The following CLASP2 variants were observed in gnomAD, a reference collection of about 807,000 sequenced individuals.
CLASP2 encodes cytoplasmic linker associated protein 2.
CLASP2 carries 47 observed loss-of-function variants against 194.4 expected under a neutral mutation model. That is an observed-to-expected ratio of 0.24 (90% CI 0.19 to 0.31). CLASP2 has a LOEUF of 0.31. Among genes scored for constraint, CLASP2 ranks in the 10% least tolerant of loss-of-function variants. The pLI, the probability that CLASP2 is intolerant of heterozygous loss-of-function variation, is 1.00. For synonymous variants in CLASP2, 619 were observed against 633.5 expected (o/e 0.98, Z 0.34); for missense variants, 1,445 against 1,823.6 (o/e 0.79, Z 3.78).
chr3:33,576,870 A>G (rs2154199766), intron 23 of CLASP2, among the ~76,000 whole-genome samples: 1 of 151,774 alleles, frequency 6.6e-6, no homozygotes, highest in South Asian at 2.1e-4. Context: ...CTATACCATC[A>G]TTTACAATTA....
At chr3:33,659,134 C>T (rs1372324593) in intron 7 of CLASP2, 16 of 1,416,304 alleles carry the variant, frequency 1.1e-5, no homozygotes, top group Non-Finnish European at 1.5e-5. Flanking sequence ...CAGCTCTGCA[C>T]CGCAATAGCC....
At chr3:33,574,346 A>G (rs2064379370) in intron 24 of CLASP2, 1 of 598,316 alleles carries the variant, frequency 1.7e-6, no homozygotes, top group African/African-American at 1.9e-5. Flanking sequence ...ATTTACAGAA[A>G]AATAGATGTA....
At chr3:33,528,828 AAG>A (rs1303436029) in intron 34 of CLASP2, among the ~76,000 whole-genome samples, 1 of 152,098 alleles carries the variant, frequency 6.6e-6, no homozygotes, top group East Asian at 1.9e-4. Flanking sequence ...GAGAGAAAGA[AAG>A]AGAGGTCGAT....
intron 6 of CLASP2, 37 bp downstream of exon 6, chr3:33,684,322 G>GAAAA: frequency 1.0e-6 from 1 of 967,274 alleles, no homozygotes; most frequent in Non-Finnish European, 1.5e-6. Flanking sequence ...AACTAGTGGT[G>GAAAA]AAAAAAAAAA....
intron 6 of CLASP2, among the ~76,000 whole-genome samples, chr3:33,668,500 T>C (rs2086591355): frequency 6.6e-6 from 1 of 152,206 alleles, no homozygotes; most frequent in Non-Finnish European, 1.5e-5. Flanking sequence ...GTATAAACTC[T>C]TGAGAATATA....
At chr3:33,586,546 A>G (rs1375120200) in intron 21 of CLASP2, among the ~76,000 whole-genome samples, 2 of 152,122 alleles carry the variant, frequency 1.3e-5, no homozygotes, top group African/African-American at 4.8e-5. Flanking sequence ...AAGTTTTAAA[A>G]ACATGTTTTT....
Position 33,551,363 on chromosome 3 carries a change from A to G in CLASP2, c.3042T>C (p.Thr1014=). 1 of 1,613,844 alleles carries G rather than the reference A, an allele frequency of 6.2e-7. No individual in the cohort carries two copies. Among genetic ancestry groups the G allele is most frequent in the Non-Finnish European group, 8.5e-7 (1 of 1,179,808 alleles). ...CTCCTGGATCCATCTGTTTGGCCAG[A>G]GTTTCTATGTATTTAAGGATAGCAA... is the stretch of plus-strand genomic sequence containing the variant. ...VKVAILKYIE[T]LAKQMDPGDF... is the part of the protein sequence containing the mutation. Residue 1014 remains threonine, a synonymous_variant, in exon 30 of 39, where the codon ACT becomes ACC. Transcript: ENST00000682230.
Position 33,532,497 on chromosome 3 carries a change from T to A in CLASP2, c.3787+2736A>T, listed in dbSNP as rs533732269. Among the ~76,000 whole-genome samples the A allele has an allele frequency of 9.2e-5, 14 of 152,300 alleles. No homozygotes were observed. In the South Asian group the frequency reaches 2.9e-3, roughly 32 times the overall value. On this transcript the variant is annotated intron_variant, in intron 34 of 38. Transcript: ENST00000682230. ...GAATATATTTAATATCACTAAACTG[T>A]ATATATAAAATGCTTAAGATAATAA...
chr3:33,611,930 G>T, intron 13 of CLASP2, 71 bp downstream of exon 13: 1 of 1,040,018 alleles, frequency 9.6e-7, no homozygotes, highest in Non-Finnish European at 1.4e-6. Flanking sequence ...AATTCTTGCA[G>T]CAGACAAATA....
At chr3:33,514,683 GA>G (rs1419317550) in intron 36 of CLASP2, 13 of 355,164 alleles carry the variant, frequency 3.7e-5, no homozygotes, top group East Asian at 3.2e-4. Flanking sequence ...TATCTACCTA[GA>G]AAAAAAGAAG....
intron 18 of CLASP2, among the ~76,000 whole-genome samples, chr3:33,598,652 A>G (rs2071162607): frequency 6.6e-6 from 1 of 152,194 alleles, no homozygotes; most frequent in Admixed American, 6.5e-5. Context: ...GATAATTCCT[A>G]CCATTCTTTC....
At chr3:33,577,062 A>AG in intron 23 of CLASP2, 1 of 773,654 alleles carries the variant, frequency 1.3e-6, no homozygotes. Context: ...GAGAAAAGAA[A>AG]AAAAAAGTTT....
intron 6 of CLASP2, among the ~76,000 whole-genome samples, chr3:33,673,466 C>T (rs1009364078): frequency 6.6e-6 from 1 of 152,078 alleles, no homozygotes; most frequent in African/African-American, 2.4e-5. Context: ...AAGGAACAAC[C>T]AGTACCAGCC....
intron 27 of CLASP2, among the ~76,000 whole-genome samples, chr3:33,565,746 A>G (rs1576510107): frequency 6.6e-6 from 1 of 152,116 alleles, no homozygotes; most frequent in East Asian, 1.9e-4. Flanking sequence ...CAGGAGGCAG[A>G]GATTGTGGTG....
chr3:33,633,876 A>G (rs2079584725), intron 8 of CLASP2, among the ~76,000 whole-genome samples: 1 of 152,230 alleles, frequency 6.6e-6, no homozygotes, highest in East Asian at 1.9e-4. Flanking sequence ...AAAGAGATAC[A>G]AAGGACAGTA....
chr3:33,673,288 C>T (rs1345557897), intron 6 of CLASP2, among the ~76,000 whole-genome samples: 1 of 152,188 alleles, frequency 6.6e-6, no homozygotes, highest in Non-Finnish European at 1.5e-5. Context: ...GGCCAATATT[C>T]AACATTCTTA....
At chr3:33,498,819 AT>A in intron 38 of CLASP2, 102 bp from the exon 39 acceptor site, 1 of 542,946 alleles carries the variant, frequency 1.8e-6, no homozygotes, top group Non-Finnish European at 3.1e-6. Flanking sequence ...TGAAAGATAG[AT>A]TTTAGGCTGG....
intron 33 of CLASP2, among the ~76,000 whole-genome samples, chr3:33,536,082 C>T (rs1180677222): frequency 6.6e-6 from 1 of 152,084 alleles, no homozygotes; most frequent in Non-Finnish European, 1.5e-5. Flanking sequence ...CCACCATCCA[C>T]TGGGCAACTA....
At chr3:33,506,917 T>C (rs796465588) in intron 37 of CLASP2, among the ~76,000 whole-genome samples, 6 of 151,978 alleles carry the variant, frequency 3.9e-5, no homozygotes, top group African/African-American at 1.4e-4. Context: ...TCCAATTTTG[T>C]TCTTTTTCAA....
Sources: gnomAD v4.1 joint callset for allele counts (sites outside exome capture counted in the v4.1 genomes callset) on GRCh38, gnomAD v4.1.1 for gene constraint, MANE v1.5 for transcripts, NCBI Gene and HGNC (gene_info 2026-07-23, HGNC 2026-07-21) for gene names.